The following ATP7B variants were observed in gnomAD, a reference collection of about 807,000 sequenced individuals.
The protein encoded by ATP7B is copper-transporting ATPase 2.
ATP7B carries 113 observed loss-of-function variants against 118.9 expected under a neutral mutation model. The observed-to-expected ratio is 0.95, with a 90% CI of 0.82 to 1.11. The LOEUF (loss-of-function observed/expected upper bound fraction) is 1.11. Among genes scored for constraint, ATP7B ranks in the 50% most tolerant of loss-of-function variants. The pLI is 0.00. For synonymous variants in ATP7B, 777 were observed against 727.4 expected (o/e 1.07, Z -1.10); for missense variants, 1,867 against 1,871.4 (o/e 1.00, Z 0.04).
At chr13:51,994,903 C>T (rs115200367) in intron 1 of ATP7B, among the ~76,000 whole-genome samples, 2,904 of 152,274 alleles carry the variant, frequency 0.019, 84 homozygotes, top group Admixed American at 0.083. Flanking sequence ...TTGGACATGA[C>T]CTAACCTTTG....
chr13:51,947,062 C>G (rs1312493238), intron 12 of ATP7B, among the ~76,000 whole-genome samples: 1 of 152,040 alleles, frequency 6.6e-6, no homozygotes, highest in Non-Finnish European at 1.5e-5. Flanking sequence ...ATGGAAACAA[C>G]CAATACGGAA....
chr13:51,952,039 GA>G (rs1958040593), intron 9 of ATP7B, among the ~76,000 whole-genome samples: 1 of 152,194 alleles, frequency 6.6e-6, no homozygotes, highest in Non-Finnish European at 1.5e-5. Flanking sequence ...AGACAACAGC[GA>G]AAGTCACGTT....
chr13:51,966,862 C>G, intron 4 of ATP7B: 1 of 1,612,614 alleles, frequency 6.2e-7, no homozygotes, highest in Non-Finnish European at 8.5e-7. Flanking sequence ...AATGGCCAAG[C>G]CAGATTGTAT....
chr13:51,950,209 A>G (rs775643294), intron 10 of ATP7B, 48 bp from the exon 11 acceptor site: 2 of 1,614,092 alleles, frequency 1.2e-6, no homozygotes, highest in Admixed American at 3.3e-5. Flanking sequence ...CCCATCCAGC[A>G]CTCATGTGAC....
rs773601432 is a variant in ATP7B at position 51,937,394 on chromosome 13, C to G, written c.3904-1G>C. 1 of 1,614,216 alleles carries G rather than the reference C, an allele frequency of 6.2e-7. No homozygotes were observed. Among genetic ancestry groups the G allele is most frequent in the Non-Finnish European group, 8.5e-7 (1 of 1,180,032 alleles). ...TAGCCACCACATCCAGCAAATCATT[C>G]TGATGGAGAGGAGCACACAGTGAGG... On this transcript the variant is annotated splice_acceptor_variant, in intron 18 of 20. Transcript: ENST00000242839. LOFTEE classifies it high-confidence loss of function.
At chr13:51,965,836 G>A (rs1951520809) in intron 4 of ATP7B, among the ~76,000 whole-genome samples, 1 of 152,168 alleles carries the variant, frequency 6.6e-6, no homozygotes, top group Non-Finnish European at 1.5e-5. Context: ...GAGGGGTAAT[G>A]AGCAGTGGAA....
chr13:51,987,631 C>G (rs1034919223), intron 1 of ATP7B, among the ~76,000 whole-genome samples: 11 of 152,164 alleles, frequency 7.2e-5, no homozygotes, highest in Non-Finnish European at 1.2e-4. Flanking sequence ...AAGAACAAAG[C>G]CGGAGGCATC....
intron 1 of ATP7B, among the ~76,000 whole-genome samples, chr13:52,009,286 C>T (rs1014334083): frequency 6.6e-6 from 1 of 152,148 alleles, no homozygotes; most frequent in Non-Finnish European, 1.5e-5. Flanking sequence ...TGAGAACCTC[C>T]ATTGACGCAG....
chr13:51,937,095 C>A (rs954433186), intron 19 of ATP7B, among the ~76,000 whole-genome samples, 181 bp downstream of exon 19: 1 of 151,636 alleles, frequency 6.6e-6, no homozygotes, highest in African/African-American at 2.4e-5. Context: ...GTTTCAGGTC[C>A]TCTCCACAGT....
At chr13:52,000,316 G>A (rs1316702243) in intron 1 of ATP7B, among the ~76,000 whole-genome samples, 1 of 152,200 alleles carries the variant, frequency 6.6e-6, no homozygotes, top group African/African-American at 2.4e-5. Context: ...GTGCCTTGCT[G>A]CTGCATCCTC....
intron 1 of ATP7B, among the ~76,000 whole-genome samples, chr13:51,989,395 T>G (rs1320090252): frequency 6.6e-6 from 1 of 152,196 alleles, no homozygotes; most frequent in Non-Finnish European, 1.5e-5. Flanking sequence ...TCTCTGCCCT[T>G]CTGAGGACAG....
intron 17 of ATP7B, among the ~76,000 whole-genome samples, chr13:51,937,904 C>A (rs1036666490): frequency 6.6e-6 from 1 of 152,218 alleles, no homozygotes; most frequent in African/African-American, 2.4e-5. Flanking sequence ...GTGCAAACAA[C>A]CCCCTTGCTG....
At chr13:52,007,999 T>C (rs1190824092) in intron 1 of ATP7B, among the ~76,000 whole-genome samples, 1 of 151,456 alleles carries the variant, frequency 6.6e-6, no homozygotes, top group Non-Finnish European at 1.5e-5. Context: ...CCAAAACCCA[T>C]CATTTAGGGT....
intron 1 of ATP7B, among the ~76,000 whole-genome samples, chr13:52,006,749 C>G (rs1699062447): frequency 6.6e-6 from 1 of 152,218 alleles, no homozygotes; most frequent in Non-Finnish European, 1.5e-5. Flanking sequence ...CTAAATGCCT[C>G]TTTCCATTTC....
intron 1 of ATP7B, among the ~76,000 whole-genome samples, chr13:52,003,576 TGGCGTCA>T: frequency 6.6e-6 from 1 of 151,860 alleles, no homozygotes; most frequent in East Asian, 1.9e-4. Context: ...GTTACACAAA[TGGCGTCA>T]GTAGACTTGC....
chr13:51,977,585 T>C (rs1481521646), intron 1 of ATP7B, among the ~76,000 whole-genome samples: 1 of 145,674 alleles, frequency 6.9e-6, no homozygotes, highest in Non-Finnish European at 1.5e-5. Context: ...ACAGTTAACT[T>C]TTTCTTTTTA....
At chr13:51,978,925 T>A (rs1006272304) in intron 1 of ATP7B, 1 of 152,212 alleles carries the variant, frequency 6.6e-6, no homozygotes, top group Non-Finnish European at 1.5e-5. Context: ...TCCAAGAAGA[T>A]AGTTCATTCA....
Position 51,944,210 on chromosome 13 carries a change from C to T in ATP7B, c.3142G>A (p.Val1048Met). 1.2e-6 allele frequency: 2 copies of T among 1,614,188 alleles called. No homozygotes were observed. Among genetic ancestry groups the T allele is most frequent in the South Asian group, 1.1e-5 (1 of 91,086 alleles). ...RVMRVLLLGD[V>M]ATLPLRKVLA... ...ACCTTCCTGAGGGGCAGTGTGGCCA[C>T]ATCCCCCAGCAGGAGCACCCGCATG... The change falls in exon 14 of 21, where the codon GTG becomes ATG. Residue 1048 changes from valine (V) to methionine (M), a missense_variant. Val to Met is a conservative substitution (Grantham distance 21, BLOSUM62 1). Transcript: ENST00000242839.
At position 51,968,620 on chromosome 13, in the gene ATP7B, G is replaced by C. The variant is rs775944192; in HGVS notation, c.1544-13C>G. 3.7e-6 allele frequency: 6 copies of C among 1,613,794 alleles called. No individual in the cohort carries two copies. In the African/African-American group the frequency reaches 4.0e-5, roughly 11 times the overall value. ...ACGGAGAGAACACCTGGAACCATCAGGTCATGGCTGTAACACTCTGGGTGG... is the reference window on the plus strand; with the variant it reads ...ACGGAGAGAACACCTGGAACCATCACGTCATGGCTGTAACACTCTGGGTGG... On this transcript the variant is annotated splice_polypyrimidine_tract_variant and intron_variant, in intron 3 of 20. Transcript: ENST00000242839.
Sources: gnomAD v4.1 joint callset for allele counts (sites outside exome capture counted in the v4.1 genomes callset) on GRCh38, gnomAD v4.1.1 for gene constraint, MANE v1.5 for transcripts, NCBI Gene and HGNC (gene_info 2026-07-23, HGNC 2026-07-21) for gene names.